The following PRICKLE2 variants were observed in gnomAD, a reference collection of about 807,000 sequenced individuals.
The protein encoded by PRICKLE2 is prickle planar cell polarity protein 2, also known as prickle-like protein 2.
A neutral mutation model predicts 81.4 loss-of-function variants in PRICKLE2; 21 were observed. That is an observed-to-expected ratio of 0.26 (90% confidence interval 0.18 to 0.37). The LOEUF (loss-of-function observed/expected upper bound fraction) is 0.37. Ranked by LOEUF, PRICKLE2 falls within the 10% of genes least tolerant of loss-of-function variation. The pLI is 1.00. For synonymous variants in PRICKLE2, 456 were observed against 421.5 expected, an observed-to-expected ratio of 1.08 and a Z score of -1.00; for missense variants, 940 against 1,109.0, an observed-to-expected ratio of 0.85 and a Z score of 2.16.
intron 7 of PRICKLE2, among the ~76,000 whole-genome samples, chr3:64,120,772 G>A (rs2077012154): frequency 6.6e-6 from 1 of 152,110 alleles, no homozygotes; most frequent in Admixed American, 6.6e-5. Flanking sequence ...CCAACCAGGG[G>A]CTGTACCTGA....
chr3:64,217,871 T>C (rs2078896668), intron 1 of PRICKLE2, among the ~76,000 whole-genome samples: 4 of 152,216 alleles, frequency 2.6e-5, no homozygotes, highest in Non-Finnish European at 5.9e-5. Context: ...CCAAACAGCC[T>C]GGTGTCTAGT....
intron 1 of PRICKLE2, among the ~76,000 whole-genome samples, chr3:64,203,173 C>A (rs2078619937): frequency 6.6e-6 from 1 of 152,110 alleles, no homozygotes; most frequent in Non-Finnish European, 1.5e-5. Flanking sequence ...GAAATATACA[C>A]CAGACAGAAT....
chr3:64,138,838 T>G (rs895916691), intron 7 of PRICKLE2, among the ~76,000 whole-genome samples: 3 of 152,170 alleles, frequency 2.0e-5, no homozygotes, highest in Non-Finnish European at 4.4e-5. Flanking sequence ...ACACAATACA[T>G]AAGCACATCT....
At chr3:64,250,462 TG>T (rs1404348359) in intron 2 of PRICKLE2, among the ~76,000 whole-genome samples, 1 of 152,080 alleles carries the variant, frequency 6.6e-6, no homozygotes, top group East Asian at 1.9e-4. Context: ...TTACCTAGCA[TG>T]GGGGTGGGCA....
intron 2 of PRICKLE2, among the ~76,000 whole-genome samples, chr3:64,198,008 G>A (rs998513879): frequency 1.3e-4 from 20 of 151,980 alleles, no homozygotes; most frequent in African/African-American, 4.3e-4. Flanking sequence ...TCAGGAGATC[G>A]AGACCATCCT....
intron 1 of PRICKLE2, chr3:64,199,445 G>C (rs188639793): frequency 1.1e-3 from 174 of 161,574 alleles, no homozygotes; most frequent in African/African-American, 4.0e-3. Flanking sequence ...TGGAGAAAAT[G>C]GTTTTAAAAA....
intron 7 of PRICKLE2, among the ~76,000 whole-genome samples, chr3:64,136,242 A>ATGCAAGT (rs1456037832): frequency 6.6e-6 from 1 of 151,910 alleles, no homozygotes; most frequent in Non-Finnish European, 1.5e-5. Flanking sequence ...GTGTAGACAG[A>ATGCAAGT]TGCAAGTTCT....
intron 6 of PRICKLE2, among the ~76,000 whole-genome samples, chr3:64,149,836 G>T (rs1020765519): frequency 6.6e-6 from 1 of 152,116 alleles, no homozygotes; most frequent in East Asian, 1.9e-4. Context: ...CCAAACTATG[G>T]GGTTCTCTTT....
chr3:64,152,728 G>A (rs1183044521), intron 6 of PRICKLE2, among the ~76,000 whole-genome samples: 2 of 152,054 alleles, frequency 1.3e-5, no homozygotes, highest in East Asian at 1.9e-4. Context: ...CCTGAGCCTC[G>A]GTTGTGGGAC....
At chr3:64,184,013 TC>T (rs1257156761) in intron 2 of PRICKLE2, among the ~76,000 whole-genome samples, 8 of 152,220 alleles carry the variant, frequency 5.3e-5, no homozygotes, top group Admixed American at 2.0e-4. Context: ...AAATATTAAA[TC>T]CAAGGTTTGG....
intron 2 of PRICKLE2, among the ~76,000 whole-genome samples, chr3:64,263,346 G>C (rs1281792788): frequency 6.6e-6 from 1 of 152,202 alleles, no homozygotes; most frequent in Non-Finnish European, 1.5e-5. Context: ...ATGAGGTTAA[G>C]TGGTCTGTCC....
chr3:64,103,904 CAGG>C (rs915384388), intron 7 of PRICKLE2, among the ~76,000 whole-genome samples: 26 of 152,112 alleles, frequency 1.7e-4, no homozygotes, highest in Non-Finnish European at 2.5e-4. Context: ...CACCTGAGCC[CAGG>C]AGGTGGAGGC....
intron 2 of PRICKLE2, among the ~76,000 whole-genome samples, chr3:64,256,160 C>G (rs1375571494): frequency 6.6e-6 from 1 of 152,138 alleles, no homozygotes; most frequent in Non-Finnish European, 1.5e-5. Context: ...TAAGGCTCAG[C>G]CAGAATGTAA....
chr3:64,203,011 A>G (rs2078616817), intron 1 of PRICKLE2, among the ~76,000 whole-genome samples: 1 of 152,176 alleles, frequency 6.6e-6, no homozygotes. Context: ...TGCATCTATC[A>G]AGATGATTAG....
At chr3:64,264,191 A>G (rs2079660854) in intron 2 of PRICKLE2, among the ~76,000 whole-genome samples, 1 of 152,136 alleles carries the variant, frequency 6.6e-6, no homozygotes, top group East Asian at 1.9e-4. Flanking sequence ...GCCACTTGGT[A>G]GCCTTGTGTC....
At chr3:64,196,471 C>A (rs752783465) in intron 2 of PRICKLE2, among the ~76,000 whole-genome samples, 1 of 152,106 alleles carries the variant, frequency 6.6e-6, no homozygotes, top group Admixed American at 6.5e-5. Context: ...CAAAGTTATG[C>A]GGTCAGCCAC....
Position 64,116,520 on chromosome 3 carries a change from A to T in PRICKLE2, c.1661-16595T>A, listed in dbSNP as rs180778624. 2.6e-5 allele frequency among the ~76,000 whole-genome samples: 4 copies of T among 152,354 alleles called. No homozygotes were observed. The East Asian group carries it at 7.7e-4, about 29-fold the overall frequency. The stretch of plus-strand genomic sequence containing the variant: ...CAGAAATGACAAGAAGGATATTATC[A>T]CTTACCCTACAGAAATATAAACAAC... On this transcript the variant is annotated intron_variant, in intron 7 of 7. Transcript: ENST00000638394.
At chr3:64,186,184 G>T (rs562652167) in intron 2 of PRICKLE2, among the ~76,000 whole-genome samples, 1 of 152,296 alleles carries the variant, frequency 6.6e-6, no homozygotes, top group East Asian at 1.9e-4. Context: ...CCTGTGGATA[G>T]ACTTTTGAGT....
chr3:64,150,385 T>C (rs989944988), intron 6 of PRICKLE2, among the ~76,000 whole-genome samples: 2 of 152,114 alleles, frequency 1.3e-5, no homozygotes, highest in African/African-American at 4.8e-5. Context: ...GGAGTTAACA[T>C]GCATGGAGTG....
Sources: allele counts gnomAD v4.1 joint callset (sites outside exome capture counted in the v4.1 genomes callset), GRCh38; gene constraint gnomAD v4.1.1; transcripts MANE v1.5; gene names NCBI Gene and HGNC (gene_info 2026-07-23, HGNC 2026-07-21).